The following SGCZ variants were observed in gnomAD, a reference collection of about 807,000 sequenced individuals.
SGCZ encodes zeta-sarcoglycan.
A neutral mutation model predicts 41.3 loss-of-function variants in SGCZ; 40 were observed. The ratio of observed to expected loss-of-function variants is 0.97; its 90% confidence interval spans 0.75 to 1.26. The LOEUF (loss-of-function observed/expected upper bound fraction) is 1.26, where lower values mean the gene tolerates loss of function less well. SGCZ is among the 50% of genes most tolerant of loss of function. SGCZ has a pLI of 0.00. For synonymous variants in SGCZ, 206 were observed against 137.5 expected (o/e 1.50, Z -3.49); for missense variants, 552 against 369.8 (o/e 1.49, Z -4.04).
chr8:14,237,103 T>C (rs1418543653), intron 4 of SGCZ, among the ~76,000 whole-genome samples: 1 of 152,172 alleles, frequency 6.6e-6, no homozygotes, highest in Non-Finnish European at 1.5e-5. Flanking sequence ...CTAATGATGT[T>C]ATCTCATGTT....
chr8:15,104,778 A>C (rs1235995806), intron 1 of SGCZ, among the ~76,000 whole-genome samples: 2 of 152,212 alleles, frequency 1.3e-5, no homozygotes, highest in African/African-American at 4.8e-5. Flanking sequence ...GGAACACTCC[A>C]TATTATGGAT....
chr8:14,912,620 G>C (rs1326625438), intron 1 of SGCZ, among the ~76,000 whole-genome samples: 1 of 152,000 alleles, frequency 6.6e-6, no homozygotes, highest in African/African-American at 2.4e-5. Context: ...CACACACCAT[G>C]AGTGTCAGGA....
intron 1 of SGCZ, among the ~76,000 whole-genome samples, chr8:14,658,212 T>C (rs1351070068): frequency 6.6e-6 from 1 of 152,176 alleles, no homozygotes; most frequent in Non-Finnish European, 1.5e-5. Flanking sequence ...CTCCTCTTTG[T>C]TATACCTCAC....
intron 1 of SGCZ, among the ~76,000 whole-genome samples, chr8:14,964,329 T>A (rs1468089725): frequency 6.6e-6 from 1 of 152,214 alleles, no homozygotes; most frequent in African/African-American, 2.4e-5. Flanking sequence ...GCATACAAAT[T>A]TGACTATTCC....
chr8:14,220,786 A>AAAACAAAC (rs78591142), intron 4 of SGCZ, among the ~76,000 whole-genome samples: 104,382 of 150,726 alleles, frequency 0.69, 36,751 homozygotes, highest in East Asian at 0.8. Context: ...TACTCTGCCA[A>AAAACAAAC]AAACAAACAA....
At chr8:14,211,179 G>A (rs1350783517) in intron 4 of SGCZ, among the ~76,000 whole-genome samples, 4 of 152,138 alleles carry the variant, frequency 2.6e-5, no homozygotes, top group Admixed American at 6.5e-5. Context: ...AGTAGAGGGC[G>A]CTGGAGGGAC....
chr8:14,545,994 A>T (rs1302952215), intron 2 of SGCZ, among the ~76,000 whole-genome samples: 3 of 152,156 alleles, frequency 2.0e-5, no homozygotes, highest in Non-Finnish European at 4.4e-5. Flanking sequence ...ATTTTTCTTT[A>T]TAAAGTCAAG....
At chr8:14,907,442 C>A (rs759045791) in intron 1 of SGCZ, among the ~76,000 whole-genome samples, 7 of 152,156 alleles carry the variant, frequency 4.6e-5, no homozygotes, top group Non-Finnish European at 7.3e-5. Flanking sequence ...CCTGCCTCAG[C>A]CTCTCAAAGT....
At chr8:14,403,813 C>T (rs1402381768) in intron 2 of SGCZ, among the ~76,000 whole-genome samples, 1 of 152,028 alleles carries the variant, frequency 6.6e-6, no homozygotes, top group African/African-American at 2.4e-5. Flanking sequence ...TGTTTAAATG[C>T]TGTGGTAACT....
intron 3 of SGCZ, among the ~76,000 whole-genome samples, chr8:14,244,159 TCC>T (rs1380207917): frequency 2.0e-5 from 3 of 150,668 alleles, no homozygotes; most frequent in Non-Finnish European, 4.4e-5. Flanking sequence ...CTCCTCCTCT[TCC>T]TTCTTCCTCC....
chr8:14,955,584 G>C (rs1046309094), intron 1 of SGCZ, among the ~76,000 whole-genome samples: 13 of 152,028 alleles, frequency 8.6e-5, no homozygotes, highest in Non-Finnish European at 1.6e-4. Flanking sequence ...ATTTCAATTT[G>C]GCCAATGTAC....
chr8:14,419,649 T>A (rs946173617), intron 2 of SGCZ, among the ~76,000 whole-genome samples: 9 of 152,008 alleles, frequency 5.9e-5, no homozygotes, highest in Non-Finnish European at 1.3e-4. Context: ...CTATAATGTT[T>A]GATGAAAACA....
chr8:15,192,685 C>T (rs190701926), intron 1 of SGCZ, among the ~76,000 whole-genome samples: 11 of 152,182 alleles, frequency 7.2e-5, no homozygotes, highest in Admixed American at 4.6e-4. Context: ...CCTTCACAAC[C>T]ATCAAGTTCT....
rs568066905 is a variant in SGCZ, at chr8:14,605,716, T to G, written c.40-50790A>C. On this transcript the variant is annotated intron_variant, in intron 1 of 7. Coordinates refer to ENST00000382080, the MANE Select transcript of SGCZ (RefSeq NM_139167.4). ...TCACAGAGAGTGTTGACTTCACTTC[T>G]TATTTGCAGATATAGTTACTGTTTC... 3.3e-5 allele frequency among the ~76,000 whole-genome samples: 5 copies of G among 152,346 alleles called. No individual in the cohort carries two copies. The South Asian group carries it at 1.0e-3, about 32-fold the overall frequency.
chr8:14,995,186 C>T (rs1802172020), intron 1 of SGCZ, among the ~76,000 whole-genome samples: 2 of 152,218 alleles, frequency 1.3e-5, no homozygotes, highest in Admixed American at 6.5e-5. Flanking sequence ...GTATATTTAT[C>T]AGGAGATGAT....
intron 2 of SGCZ, among the ~76,000 whole-genome samples, chr8:14,422,690 C>T: frequency 6.6e-6 from 1 of 152,156 alleles, no homozygotes; most frequent in Non-Finnish European, 1.5e-5. Context: ...TGTAGATGAG[C>T]TAGCATAGTT....
At chr8:14,627,243 C>T (rs1806492235) in intron 1 of SGCZ, among the ~76,000 whole-genome samples, 1 of 152,220 alleles carries the variant, frequency 6.6e-6, no homozygotes, top group African/African-American at 2.4e-5. Context: ...CACACAGAAC[C>T]TTTAGTTTAC....
chr8:14,692,808 C>T (rs936913853), intron 1 of SGCZ, among the ~76,000 whole-genome samples: 1 of 152,064 alleles, frequency 6.6e-6, no homozygotes, highest in Non-Finnish European at 1.5e-5. Flanking sequence ...ATTTCATCTC[C>T]TAAAATAAAA....
intron 1 of SGCZ, among the ~76,000 whole-genome samples, chr8:14,652,357 T>TGGGGG (rs140665154): frequency 8.4e-5 from 5 of 59,718 alleles, no homozygotes; most frequent in African/African-American, 1.8e-4. Flanking sequence ...GGGGGGGGTG[T>TGGGGG]GGGGGGGAGA....
Sources: allele counts gnomAD v4.1 joint callset (sites outside exome capture counted in the v4.1 genomes callset), GRCh38; gene constraint gnomAD v4.1.1; transcripts MANE v1.5; gene names NCBI Gene and HGNC (gene_info 2026-07-23, HGNC 2026-07-21).